The following SASH1 variants were observed in gnomAD, a reference collection of about 807,000 sequenced individuals.
SASH1 encodes SAM and SH3 domain-containing protein 1.
Under a neutral mutation model 125.2 loss-of-function variants are expected in SASH1, and 44 were observed. The observed-to-expected ratio is 0.35, with a 90% CI of 0.28 to 0.45. The LOEUF is 0.45. Among genes scored for constraint, SASH1 ranks in the 20% least tolerant of loss-of-function variants. SASH1 has a pLI of 1.00. For synonymous variants in SASH1, 639 were observed against 649.1 expected (o/e 0.98, Z 0.24); for missense variants, 1,426 against 1,614.5 (o/e 0.88, Z 2.00).
upstream of SASH1, among the ~76,000 whole-genome samples, chr6:148,267,759 A>C (rs551225780): frequency 6.6e-6 from 1 of 152,240 alleles, no homozygotes; most frequent in African/African-American, 2.4e-5. Flanking sequence ...TGTTTCTTAA[A>C]CCTTCCCAAT....
At chr6:148,364,940 T>C (rs537621417) in intron 1 of SASH1, among the ~76,000 whole-genome samples, 206 of 152,090 alleles carry the variant, frequency 1.4e-3, no homozygotes, top group Non-Finnish European at 2.1e-3. Context: ...CTGGCCAACA[T>C]AGTGAAACCC....
intron 1 of SASH1, among the ~76,000 whole-genome samples, chr6:148,373,997 C>T (rs1782795436): frequency 6.6e-6 from 1 of 152,096 alleles, no homozygotes; most frequent in South Asian, 2.1e-4. Context: ...ACAACAAGGA[C>T]AACAACAAAA....
the SASH1 span, among the ~76,000 whole-genome samples, chr6:148,204,179 A>G: frequency 6.6e-6 from 1 of 152,220 alleles, no homozygotes; most frequent in Non-Finnish European, 1.5e-5. Context: ...TGGAAAGTGT[A>G]GGGTAACGCT....
intron 16 of SASH1, among the ~76,000 whole-genome samples, chr6:148,539,448 G>A (rs977263730): frequency 3.3e-5 from 5 of 152,040 alleles, no homozygotes; most frequent in Admixed American, 6.6e-5. Flanking sequence ...AAGTGAGACC[G>A]TGTGGATTTT....
At chr6:148,522,397 T>C (rs1780874291) in intron 10 of SASH1, among the ~76,000 whole-genome samples, 1 of 152,230 alleles carries the variant, frequency 6.6e-6, no homozygotes, top group Non-Finnish European at 1.5e-5. Flanking sequence ...ATTTAAAAGG[T>C]TATTTTCCAT....
At chr6:148,208,098 C>T in the SASH1 span, among the ~76,000 whole-genome samples, 1 of 152,170 alleles carries the variant, frequency 6.6e-6, no homozygotes, top group Non-Finnish European at 1.5e-5. Context: ...GCTGAGCCCC[C>T]GTTTGGTGTG....
At chr6:148,377,357 G>A (rs1000517067) in intron 1 of SASH1, among the ~76,000 whole-genome samples, 3 of 151,988 alleles carry the variant, frequency 2.0e-5, no homozygotes, top group African/African-American at 7.2e-5. Flanking sequence ...CTTCTAGATG[G>A]GCTATCTTTA....
intron 4 of SASH1, 175 bp downstream of exon 4, chr6:148,440,582 G>T: frequency 1.7e-6 from 1 of 603,216 alleles, no homozygotes; most frequent in Non-Finnish European, 2.9e-6. Flanking sequence ...AGTGTGTTTT[G>T]TAATGCAGTT....
intron 8 of SASH1, among the ~76,000 whole-genome samples, chr6:148,511,370 CA>C (rs1562470061): frequency 7.1e-6 from 1 of 139,864 alleles, no homozygotes; most frequent in Non-Finnish European, 1.6e-5. Flanking sequence ...CACACACACA[CA>C]CACCTTGGAT....
intron 8 of SASH1, among the ~76,000 whole-genome samples, chr6:148,504,441 T>G (rs1255139780): frequency 6.6e-6 from 1 of 152,182 alleles, no homozygotes; most frequent in Non-Finnish European, 1.5e-5. Context: ...TTCCTCACCA[T>G]AGGAGTCAAA....
intron 1 of SASH1, among the ~76,000 whole-genome samples, chr6:148,327,669 A>T (rs1460367633): frequency 6.7e-6 from 1 of 148,494 alleles, no homozygotes; most frequent in Non-Finnish European, 1.5e-5. Context: ...GGCCAGGTGC[A>T]GTGGCTCACG....
chr6:148,513,092 C>T (rs1437766656), intron 8 of SASH1: 1 of 985,294 alleles, frequency 1.0e-6, no homozygotes, highest in Non-Finnish European at 1.2e-6. Context: ...ACTTCTTCTT[C>T]TCTTGAGGTA....
upstream of SASH1, among the ~76,000 whole-genome samples, chr6:148,271,936 C>T (rs1031971491): frequency 5.9e-5 from 9 of 151,806 alleles, no homozygotes; most frequent in African/African-American, 1.9e-4. Context: ...TTGTAGGGGG[C>T]GGGAGAAAGG....
chr6:148,482,170 TAAAAAAGA>T (rs1357182479), intron 7 of SASH1, among the ~76,000 whole-genome samples: 14 of 152,096 alleles, frequency 9.2e-5, no homozygotes, highest in Non-Finnish European at 1.6e-4. Flanking sequence ...AAGCCTTGGA[TAAAAAAGA>T]ATAGTAGTAA....
intron 1 of SASH1, among the ~76,000 whole-genome samples, chr6:148,292,902 A>T (rs1779670658): frequency 6.6e-6 from 1 of 152,084 alleles, no homozygotes. Context: ...AATACAAAAA[A>T]TTAGCCGGGC....
chr6:148,313,765 T>C (rs1343371685), intron 1 of SASH1, among the ~76,000 whole-genome samples: 1 of 152,188 alleles, frequency 6.6e-6, no homozygotes, highest in Non-Finnish European at 1.5e-5. Flanking sequence ...TGGAATTAGA[T>C]ACTGCTACCT....
chr6:148,448,165 C>T (rs908362042), intron 4 of SASH1, among the ~76,000 whole-genome samples: 4 of 149,058 alleles, frequency 2.7e-5, no homozygotes, highest in African/African-American at 7.6e-5. Flanking sequence ...TGCGTGCGTG[C>T]GTTGTCACCT....
upstream of SASH1, among the ~76,000 whole-genome samples, chr6:148,267,594 G>A (rs565817072): frequency 6.5e-4 from 99 of 152,134 alleles, 2 homozygotes; most frequent in South Asian, 0.019. Context: ...TAGCCAGGAT[G>A]GTCTCAATCT....
At chr6:148,530,208 C>T (rs2115396796) in intron 12 of SASH1, among the ~76,000 whole-genome samples, 1 of 152,238 alleles carries the variant, frequency 6.6e-6, no homozygotes, top group Non-Finnish European at 1.5e-5. Flanking sequence ...GGATTAGTGC[C>T]TGTTATTGTA....
Sources: gnomAD v4.1 joint callset for allele counts (sites outside exome capture counted in the v4.1 genomes callset) on GRCh38, gnomAD v4.1.1 for gene constraint, MANE v1.5 for transcripts, NCBI Gene and HGNC (gene_info 2026-07-23, HGNC 2026-07-21) for gene names.